PCDHGA2: variants seen among roughly 807,000 people sequenced by gnomAD.
The protein encoded by PCDHGA2 is protocadherin gamma subfamily A, 2.
In PCDHGA2, 40 loss-of-function variants were observed where a neutral mutation model predicts 59.2. The observed-to-expected ratio is 0.68, with a 90% CI of 0.52 to 0.88. PCDHGA2 has a LOEUF of 0.88. Ranked by LOEUF, PCDHGA2 falls within the 40% of genes least tolerant of loss-of-function variation. PCDHGA2 has a pLI of 0.00. For synonymous variants in PCDHGA2, 560 were observed against 526.0 expected, an observed-to-expected ratio of 1.06 and a Z score of -0.89; for missense variants, 1,226 against 1,204.0, an observed-to-expected ratio of 1.02 and a Z score of -0.27.
At chr5:141,389,513 C>T (rs749432491) in intron 1 of PCDHGA2, 3 of 1,613,156 alleles carry the variant, frequency 1.9e-6, no homozygotes, top group South Asian at 1.1e-5. Context: ...TCAGCGCGAA[C>T]GTGAGCCTGC....
At chr5:141,463,900 C>G (rs879243077) in intron 1 of PCDHGA2, among the ~76,000 whole-genome samples, 4 of 152,168 alleles carry the variant, frequency 2.6e-5, no homozygotes, top group Admixed American at 2.6e-4. Context: ...GCTTTTTGTA[C>G]TAATAATATA....
At position 141,339,787 on chromosome 5, in the gene PCDHGA2, C is replaced by T; in HGVS notation, c.816C>T (p.Gly272=). The T allele has an allele frequency of 1.2e-6, 2 of 1,614,204 alleles. No homozygotes were observed. Among genetic ancestry groups the T allele is most frequent in the Non-Finnish European group, 1.7e-6 (2 of 1,180,016 alleles). Residue 272 remains glycine, a synonymous_variant, in exon 1 of 4, where the codon GGC becomes GGT. Transcript: ENST00000394576. ...LTVTATDADE[G]YYAQVVYFLE... ...TGACCGCCACTGACGCAGATGAGGG[C>T]TACTACGCTCAAGTGGTATATTTTC...
intron 1 of PCDHGA2, chr5:141,478,437 A>G (rs2099455876): frequency 6.2e-7 from 1 of 1,613,758 alleles, no homozygotes; most frequent in African/African-American, 1.3e-5. Flanking sequence ...CCGCTGCTGA[A>G]GAAACCTGGT....
chr5:141,380,379 A>G (rs1484471466), intron 1 of PCDHGA2, among the ~76,000 whole-genome samples: 1 of 152,244 alleles, frequency 6.6e-6, no homozygotes, highest in Non-Finnish European at 1.5e-5. Context: ...AGTCCCAAAA[A>G]AGAAAAGAGA....
In PCDHGA2 at chr5:141,341,088, C is replaced by A. The variant is rs770182592; in HGVS notation, c.2117C>A (p.Ala706Asp). 3 of 1,614,104 alleles carry A rather than the reference C, an allele frequency of 1.9e-6. No homozygotes were observed. Among genetic ancestry groups the A allele is most frequent in the African/African-American group, 1.3e-5 (1 of 74,930 alleles). The change falls in exon 1 of 4, where the codon GCC becomes GAC. Residue 706 changes from alanine (A) to aspartate (D), a missense_variant. By Grantham distance (126) the Ala-to-Asp change is moderately radical. Transcript: ENST00000394576. ...AVAAVSCVFL[A>D]FVIVLLAHRL... is the part of the protein sequence containing the mutation. ...GCCGCGGTCTCCTGCGTCTTCCTGGCCTTCGTCATCGTGTTGCTGGCGCAC... is the reference window on the plus strand; with the variant it reads ...GCCGCGGTCTCCTGCGTCTTCCTGGACTTCGTCATCGTGTTGCTGGCGCAC...
chr5:141,403,666 T>C (rs2094439937), intron 1 of PCDHGA2: 1 of 1,613,926 alleles, frequency 6.2e-7, no homozygotes, highest in Non-Finnish European at 8.5e-7. Context: ...CAAATGATAA[T>C]GCCCCGGTTT....
chr5:141,389,101 C>G, intron 1 of PCDHGA2: 1 of 1,614,030 alleles, frequency 6.2e-7, no homozygotes, highest in Non-Finnish European at 8.5e-7. Flanking sequence ...GTGACAGATG[C>G]TGTTCTAGAC....
At chr5:141,388,486 A>G in intron 1 of PCDHGA2, 1 of 1,613,858 alleles carries the variant, frequency 6.2e-7, no homozygotes, top group Non-Finnish European at 8.5e-7. Context: ...ACACCTTTGG[A>G]CAGAGAAAAG....
intron 1 of PCDHGA2, among the ~76,000 whole-genome samples, chr5:141,407,131 T>C (rs1164616354): frequency 6.6e-6 from 1 of 152,226 alleles, no homozygotes; most frequent in African/African-American, 2.4e-5. Context: ...TGCTTTATTT[T>C]TAAGAAAAAA....
chr5:141,405,375 C>T lies in PCDHGA2; in HGVS notation c.2424+63980C>T, dbSNP rs368501516. On this transcript the variant is annotated intron_variant, in intron 1 of 3. Transcript: ENST00000394576. ...CCTATAGAAGACACCCCTTTGGTTC[C>T]GGTGAGTTCATTTTTTTTCTTTCTT... The T allele has an allele frequency of 3.2e-5, 51 of 1,602,124 alleles. No individual in the cohort carries two copies. Among genetic ancestry groups the T allele is most frequent in the East Asian group, 6.7e-5 (3 of 44,850 alleles).
chr5:141,361,182 G>C, intron 1 of PCDHGA2: 1 of 1,613,884 alleles, frequency 6.2e-7, no homozygotes, highest in Non-Finnish European at 8.5e-7. Context: ...AAGTTATTGT[G>C]ACTTCAGTAT....
rs758320936 is a variant in PCDHGA2 at position 141,357,250 on chromosome 5, C to T, written c.2424+15855C>T. 7 of 1,613,742 alleles carry T rather than the reference C, an allele frequency of 4.3e-6. No individual in the cohort carries two copies. In the South Asian group the frequency reaches 6.6e-5, roughly 15 times the overall value. ...GGGCAGCCTCAAGCCTTCAGCAGAC[C>T]CAGACGACTCGGGCCTCACACTCTA... On this transcript the variant is annotated intron_variant, in intron 1 of 3. Coordinates refer to ENST00000394576, the MANE Select transcript of PCDHGA2 (RefSeq NM_018915.4).
intron 1 of PCDHGA2, among the ~76,000 whole-genome samples, chr5:141,382,084 C>A (rs1777939232): frequency 6.6e-6 from 1 of 152,102 alleles, no homozygotes; most frequent in South Asian, 2.1e-4. Flanking sequence ...CCGCCTCGGC[C>A]TCACAAAGTG....
intron 1 of PCDHGA2, chr5:141,393,233 A>T (rs756421828): frequency 2.7e-5 from 44 of 1,613,664 alleles, no homozygotes; most frequent in Non-Finnish European, 3.4e-5. Context: ...ATCTAGAAGT[A>T]AAAATTAACG....
chr5:141,470,369 T>C (rs751264270), intron 1 of PCDHGA2, among the ~76,000 whole-genome samples: 2 of 152,226 alleles, frequency 1.3e-5, no homozygotes, highest in Non-Finnish European at 1.5e-5. Context: ...TTAGGTTGAA[T>C]GGAAAGACTA....
At position 141,418,522 on chromosome 5, in the gene PCDHGA2, C is replaced by T. The variant is rs751177053; in HGVS notation, c.2425-76285C>T. The T allele has an allele frequency of 1.5e-5, 24 of 1,613,884 alleles. No individual in the cohort carries two copies. The African/African-American group carries it at 2.7e-4, about 18-fold the overall frequency. ...CCGCCTTAGATGGTGGGGACCCTCC[C>T]CGAAGCGGTACTGCTCAGATAAGAA... is the stretch of plus-strand genomic sequence containing the variant. On this transcript the variant is annotated intron_variant, in intron 1 of 3. Transcript: ENST00000394576.
chr5:141,372,295 A>T (rs747911536), intron 1 of PCDHGA2: 2 of 1,613,304 alleles, frequency 1.2e-6, no homozygotes, highest in Non-Finnish European at 1.7e-6. Context: ...ACCTTGGGCG[A>T]CAGGGAGGCC....
chr5:141,382,495 A>G (rs1778251368), intron 1 of PCDHGA2, among the ~76,000 whole-genome samples: 1 of 152,272 alleles, frequency 6.6e-6, no homozygotes, highest in African/African-American at 2.4e-5. Context: ...ACACCGGTCC[A>G]TGAACACTGT....
chr5:141,413,227 G>T (rs552225139), intron 1 of PCDHGA2: 2 of 1,613,938 alleles, frequency 1.2e-6, no homozygotes, highest in South Asian at 2.2e-5. Flanking sequence ...CAGCGGGCTG[G>T]TCCTGCTCTG....
Sources: gnomAD v4.1 joint callset for allele counts (sites outside exome capture counted in the v4.1 genomes callset) on GRCh38, gnomAD v4.1.1 for gene constraint, MANE v1.5 for transcripts, NCBI Gene and HGNC (gene_info 2026-07-23, HGNC 2026-07-21) for gene names.